TBL3: variants seen among roughly 807,000 people sequenced by gnomAD.
The protein encoded by TBL3 is transducin beta like 3.
Under a neutral mutation model 102.7 loss-of-function variants are expected in TBL3, and 71 were observed. That is an observed-to-expected ratio of 0.69 (90% confidence interval 0.57 to 0.84). The LOEUF (loss-of-function observed/expected upper bound fraction) is 0.84, where lower values mean the gene tolerates loss of function less well. Among genes scored for constraint, TBL3 ranks in the 40% least tolerant of loss-of-function variants. TBL3 has a pLI of 0.00. For synonymous variants in TBL3, 578 were observed against 477.7 expected (o/e 1.21, Z -2.74); for missense variants, 1,188 against 1,098.5 (o/e 1.08, Z -1.15).
chr16:1,979,500 G>T lies in TBL3; in HGVS notation c.*815G>T, dbSNP rs1257169125. The T allele has an allele frequency of 1.2e-6, 2 of 1,611,880 alleles. No individual in the cohort carries two copies. Among genetic ancestry groups the T allele is most frequent in the Admixed American group, 1.7e-5 (1 of 59,930 alleles). On this transcript the variant is annotated 3_prime_UTR_variant, in exon 22 of 22. Coordinates refer to ENST00000568546, the MANE Select transcript of TBL3 (RefSeq NM_006453.3). The stretch of plus-strand genomic sequence containing the variant: ...CCCCGCGGGCACGGACAGCTCATCT[G>T]CGCGGCTGCTCTCGTAGGCGCGGGA...
chr16:1,979,176 G>A lies in TBL3; in HGVS notation c.*491G>A, dbSNP rs897447010. ...GCAGCGGCTCTGGATGGCGCCCGGC[G>A]AAGGTCGGGTGGGCACGGTGGGGGG... On this transcript the variant is annotated 3_prime_UTR_variant, in exon 22 of 22. Coordinates refer to ENST00000568546, the MANE Select transcript of TBL3 (RefSeq NM_006453.3). 5 of 1,456,254 alleles carry A rather than the reference G, an allele frequency of 3.4e-6. No individual in the cohort carries two copies. The highest frequency in any genetic ancestry group is 4.5e-6 in the Non-Finnish European group (5 of 1,113,314). The allele number at this position is 1,456,254 out of a possible 1,614,324, so 90.2% of individuals were successfully genotyped here.
chr16:1,978,922 C>A lies in TBL3; in HGVS notation c.*237C>A. On this transcript the variant is annotated 3_prime_UTR_variant, in exon 22 of 22. Transcript: ENST00000568546. ...GCACGCTTAGACGGTGGGGGTCATG[C>A]AGAACAAGCTTTACTCAGAGGAACA... 8.9e-7 allele frequency: 1 copy of A among 1,122,576 alleles called. No homozygotes were observed. Among genetic ancestry groups the A allele is most frequent in the Non-Finnish European group, 1.3e-6 (1 of 798,310 alleles). The allele number at this position is 1,122,576 out of a possible 1,614,324, so 69.5% of individuals were successfully genotyped here.
At position 1,977,192 on chromosome 16, in the gene TBL3, G is replaced by A. The variant is rs369857021; in HGVS notation, c.1579G>A (p.Val527Ile). Residue 527 changes from valine (V) to isoleucine (I), a missense_variant, in exon 15 of 22, where the codon GTC becomes ATC. By Grantham distance (29) the Val-to-Ile change is conservative. Coordinates refer to ENST00000568546, the MANE Select transcript of TBL3 (RefSeq NM_006453.3). ...FSGHRRGLWC[V>I]QFSPMDQVLA... is the part of the protein sequence containing the mutation. ...AGGCCACCGGCGTGGCCTCTGGTGC[G>A]TCCAGTTCTCTCCCATGGACCAGGT... 4.3e-5 allele frequency: 70 copies of A among 1,613,044 alleles called. No individual in the cohort carries two copies. Among genetic ancestry groups the A allele is most frequent in the East Asian group, 6.7e-5 (3 of 44,900 alleles).
chr16:1,980,932 C>T lies in TBL3; in HGVS notation c.*2247C>T, dbSNP rs950835705. The T allele has an allele frequency of 1.2e-6, 2 of 1,611,466 alleles. No individual in the cohort carries two copies. The highest frequency in any genetic ancestry group is 3.3e-5 in the Admixed American group (2 of 59,992). On this transcript the variant is annotated 3_prime_UTR_variant, in exon 22 of 22. Transcript: ENST00000568546. ...CCGCGGCATCAGGGTGGCCCAGGGTCACTCACCTTGAGCTGCCTGAATTCG... is the reference window on the plus strand; with the variant it reads ...CCGCGGCATCAGGGTGGCCCAGGGTTACTCACCTTGAGCTGCCTGAATTCG...
rs746511582 is a variant in TBL3, at chr16:1,979,335, G to C, written c.*650G>C. The C allele has an allele frequency of 6.4e-7, 1 of 1,574,770 alleles. No homozygotes were observed. The highest frequency in any genetic ancestry group is 8.6e-7 in the Non-Finnish European group (1 of 1,167,760). ...CAGCAGCACCGCGGGGAGTAGGCCC[G>C]CCCGGTCGCCGTACCTGCGAGGGGC... On this transcript the variant is annotated 3_prime_UTR_variant, in exon 22 of 22. Coordinates refer to ENST00000568546, the MANE Select transcript of TBL3 (RefSeq NM_006453.3).
chr16:1,979,375 G>GC lies in TBL3; in HGVS notation c.*694dup, dbSNP rs754750710. The stretch of plus-strand genomic sequence containing the variant: ...CTGCGAGGGGCGGGGTGTGGTTAGG[G>GC]CCCCGCCCGCCTCGGCTAGCCTGCC... On this transcript the variant is annotated 3_prime_UTR_variant, in exon 22 of 22. Coordinates refer to ENST00000568546, the MANE Select transcript of TBL3 (RefSeq NM_006453.3). 6.4e-4 allele frequency: 1,014 copies of GC among 1,586,596 alleles called. 6 individuals are homozygous for GC. The highest frequency in any genetic ancestry group is 2.0e-4 in the Non-Finnish European group (238 of 1,172,718).
At position 1,978,006 on chromosome 16, in the gene TBL3, GCTGGGCCTGGCCATCTCC is replaced by G. The variant is rs2083418467; in HGVS notation, c.2012_2029del (p.Gly671_Leu676del). The G allele has an allele frequency of 6.2e-7, 1 of 1,606,950 alleles. No homozygotes were observed. Among genetic ancestry groups the G allele is most frequent in the African/African-American group, 1.3e-5 (1 of 74,850 alleles). On this transcript the variant is annotated inframe_deletion, in exon 19 of 22. Transcript: ENST00000568546. ...TGCATGAGAAGCGGTACCTGCGGGC[GCTGGGCCTGGCCATCTCC>G]CTGGATCGGCCCCACACCGTGCTGA...
intron 13 of TBL3, 90 bp from the exon 14 acceptor site, chr16:1,976,724 C>A (rs1444172747): frequency 1.3e-6 from 2 of 1,535,046 alleles, no homozygotes; most frequent in Non-Finnish European, 1.8e-6. Context: ...GTGGTCTGGA[C>A]CGTGGGCTCC....
At position 1,978,886 on chromosome 16, in the gene TBL3, C is replaced by G. The variant is rs970554921; in HGVS notation, c.*201C>G. ...GCACCCTGGCCTGGCAGAGATCCAG[C>G]CCGCGGCTCCGCACGCTTAGACGGT... is the stretch of plus-strand genomic sequence containing the variant. On this transcript the variant is annotated 3_prime_UTR_variant, in exon 22 of 22. Coordinates refer to ENST00000568546, the MANE Select transcript of TBL3 (RefSeq NM_006453.3). 6.6e-6 allele frequency: 7 copies of G among 1,066,794 alleles called. No individual in the cohort carries two copies. The highest frequency in any genetic ancestry group is 9.3e-6 in the Non-Finnish European group (7 of 752,786). The allele number at this position is 1,066,794 out of a possible 1,614,324, so 66.1% of individuals were successfully genotyped here. A position where few individuals can be genotyped will look rare whatever the true frequency, so the allele number is the denominator to read the frequency against.
intron 19 of TBL3, 21 bp from the exon 20 acceptor site, chr16:1,978,128 C>G: frequency 6.2e-7 from 1 of 1,612,152 alleles, no homozygotes; most frequent in Non-Finnish European, 8.5e-7. Context: ...TTCCCCAGCT[C>G]AGCCTTCCCT....
Position 1,976,330 on chromosome 16 carries a change from T to TGGGCCCAGGGGTGTCAGGGAGGTGG in TBL3, c.1292+17_1292+41dup. On this transcript the variant is annotated intron_variant, in intron 13 of 21. Coordinates refer to ENST00000568546, the MANE Select transcript of TBL3 (RefSeq NM_006453.3). ...GCTGCTCTAGGTAGTGAGTCGGGGC[T>TGGGCCCAGGGGTGTCAGGGAGGTGG]GGGCCCAGGGGTGTCAGGGAGGTGG... 1.2e-6 allele frequency: 2 copies of TGGGCCCAGGGGTGTCAGGGAGGTGG among 1,606,818 alleles called. No individual in the cohort carries two copies. Among genetic ancestry groups the TGGGCCCAGGGGTGTCAGGGAGGTGG allele is most frequent in the South Asian group, 2.2e-5 (2 of 90,366 alleles).
rs201267183 is a variant in TBL3, at chr16:1,974,945, C to T, written c.482C>T (p.Pro161Leu). The change falls in exon 7 of 22, where the codon CCG becomes CTG. Residue 161 changes from proline to leucine, a missense_variant. By Grantham distance (98) the Pro-to-Leu change is moderately conservative. Transcript: ENST00000568546. ...PGVVHLVAFHPDPTRLLLFSS... is the reference protein window; with the variant it reads ...PGVVHLVAFHLDPTRLLLFSS... ...GCCCACAGCCTAGTGGCCTTCCACC[C>T]GGACCCTACACGCCTGCTGCTCTTC... 1.9e-6 allele frequency: 3 copies of T among 1,611,142 alleles called. No homozygotes were observed. The highest frequency in any genetic ancestry group is 8.5e-7 in the Non-Finnish European group (1 of 1,179,950).
At position 1,978,296 on chromosome 16, in the gene TBL3, G is replaced by A. The variant is rs372746436; in HGVS notation, c.2135-17G>A. The A allele has an allele frequency of 7.1e-4, 1,139 of 1,610,000 alleles. 6 individuals are homozygous for A. Among genetic ancestry groups the A allele is most frequent in the Middle Eastern group, 2.3e-3 (14 of 6,044 alleles). On this transcript the variant is annotated splice_polypyrimidine_tract_variant and intron_variant, in intron 20 of 21. Coordinates refer to ENST00000568546, the MANE Select transcript of TBL3 (RefSeq NM_006453.3). ...CAGATTGGCTGGGCAAGACGATGAG[G>A]GTCCTGTTGCCCACAGAGGCCCTGC...
At position 1,980,381 on chromosome 16, in the gene TBL3, C is replaced by G. The variant is rs1432640172; in HGVS notation, c.*1696C>G. On this transcript the variant is annotated 3_prime_UTR_variant, in exon 22 of 22. Transcript: ENST00000568546. ...GAGTCAGGCACCTGCCGGGTGGCAG[C>G]GCGGGCTCCAGGTCCAGGGGTTGCG... 6.2e-7 allele frequency: 1 copy of G among 1,601,020 alleles called. No homozygotes were observed. Among genetic ancestry groups the G allele is most frequent in the Admixed American group, 1.7e-5 (1 of 59,732 alleles).
Position 1,981,197 on chromosome 16 carries a change from T to C in TBL3, c.*2512T>C. 1 of 1,613,408 alleles carries C rather than the reference T, an allele frequency of 6.2e-7. No homozygotes were observed. Among genetic ancestry groups the C allele is most frequent in the Non-Finnish European group, 8.5e-7 (1 of 1,179,980 alleles). On this transcript the variant is annotated 3_prime_UTR_variant, in exon 22 of 22. Coordinates refer to ENST00000568546, the MANE Select transcript of TBL3 (RefSeq NM_006453.3). ...CCTGCCATGGCTGTGGCTTCCAGGC[T>C]GCAGATTCCTGAAATGGGCGAGGAC...
In TBL3 at chr16:1,980,286, C is replaced by T. The variant is rs553734924; in HGVS notation, c.*1601C>T. The T allele has an allele frequency of 4.1e-3, 6,285 of 1,519,248 alleles. 46 individuals carry two copies. The highest frequency in any genetic ancestry group is 4.2e-3 in the Non-Finnish European group (4,816 of 1,133,360). 94.1% of individuals were successfully genotyped at this position (1,519,248 alleles called of 1,614,324 possible). On this transcript the variant is annotated 3_prime_UTR_variant, in exon 22 of 22. Transcript: ENST00000568546. Reference sequence around the variant, plus strand: ...CAGCCTCCCACTCTCTGCCCCTATTCGCTGGCTGTTCCCCCCCACCCTGGA... The same window carrying T: ...CAGCCTCCCACTCTCTGCCCCTATTTGCTGGCTGTTCCCCCCCACCCTGGA...
At position 1,979,777 on chromosome 16, in the gene TBL3, G is replaced by A. The variant is rs1567329869; in HGVS notation, c.*1092G>A. ...CCGCAGTGGTGGCGTGAGGGGTGGG[G>A]TTAGGCGCATACCGCTGCTCCCTAG... On this transcript the variant is annotated 3_prime_UTR_variant, in exon 22 of 22. Transcript: ENST00000568546. 2 of 1,517,056 alleles carry A rather than the reference G, an allele frequency of 1.3e-6. No homozygotes were observed. The highest frequency in any genetic ancestry group is 1.8e-6 in the Non-Finnish European group (2 of 1,127,646). 94.0% of individuals were successfully genotyped at this position (1,517,056 alleles called of 1,614,324 possible). A position where few individuals can be genotyped will look rare whatever the true frequency, so the allele number is the denominator to read the frequency against.
Position 1,981,199 on chromosome 16 carries a change from C to A in TBL3, c.*2514C>A. Reference sequence around the variant, plus strand: ...TGCCATGGCTGTGGCTTCCAGGCTGCAGATTCCTGAAATGGGCGAGGACCC... The same window carrying A: ...TGCCATGGCTGTGGCTTCCAGGCTGAAGATTCCTGAAATGGGCGAGGACCC... On this transcript the variant is annotated 3_prime_UTR_variant, in exon 22 of 22. Transcript: ENST00000568546. The A allele has an allele frequency of 6.2e-7, 1 of 1,613,392 alleles. No individual in the cohort carries two copies. The highest frequency in any genetic ancestry group is 1.1e-5 in the South Asian group (1 of 91,074).
Position 1,972,071 on chromosome 16 carries a change from G to C in TBL3, c.-94G>C. The C allele has an allele frequency of 7.5e-7, 1 of 1,327,140 alleles. No homozygotes were observed. The highest frequency in any genetic ancestry group is 3.1e-5 in the East Asian group (1 of 31,914). 82.2% of individuals were successfully genotyped at this position (1,327,140 alleles called of 1,614,324 possible). On this transcript the variant is annotated 5_prime_UTR_variant, in exon 1 of 22. Transcript: ENST00000568546. The stretch of plus-strand genomic sequence containing the variant: ...CGCCATCGCAGCGCGCCGGGAGTGT[G>C]GCGTTCTGTGAAGAGTTCGGTGCTA...
Sources: allele counts gnomAD v4.1 joint callset, GRCh38; gene constraint gnomAD v4.1.1; transcripts MANE v1.5; gene names NCBI Gene and HGNC (gene_info 2026-07-23, HGNC 2026-07-21).